The following MBOAT2 variants were observed in gnomAD, a reference collection of about 807,000 sequenced individuals.
MBOAT2 encodes the protein membrane bound glycerophospholipid O-acyltransferase 2.
In MBOAT2, 28 loss-of-function variants were observed where a neutral mutation model predicts 63.4. The ratio of observed to expected loss-of-function variants is 0.44; its 90% CI spans 0.33 to 0.61. The LOEUF (loss-of-function observed/expected upper bound fraction) is 0.61. Ranked by LOEUF, MBOAT2 falls within the 20% of genes least tolerant of loss-of-function variation. MBOAT2 has a pLI of 0.03. For missense variants in MBOAT2, 470 were observed against 605.8 expected, an observed-to-expected ratio of 0.78 and a Z score of 2.35; for synonymous variants, 211 against 215.6, an observed-to-expected ratio of 0.98 and a Z score of 0.19.
chr2:8,959,176 C>T (rs1450265015), intron 1 of MBOAT2, among the ~76,000 whole-genome samples: 3 of 152,200 alleles, frequency 2.0e-5, no homozygotes, highest in Non-Finnish European at 4.4e-5. Flanking sequence ...GCGGCCTAAA[C>T]ATCACCACTG....
intron 4 of MBOAT2, among the ~76,000 whole-genome samples, chr2:8,896,701 C>T (rs996111913): frequency 1.3e-5 from 2 of 152,304 alleles, no homozygotes; most frequent in South Asian, 2.1e-4. Context: ...TAAGGTTTGG[C>T]TGAGTGCAAA....
In MBOAT2 at chr2:9,003,630, C is replaced by T. The variant is rs1282494029; in HGVS notation, c.-16G>A. 6.0e-6 allele frequency: 7 copies of T among 1,162,824 alleles called. No homozygotes were observed. The highest frequency in any genetic ancestry group is 7.4e-6 in the Non-Finnish European group (7 of 945,470). 72.0% of individuals were successfully genotyped at this position (1,162,824 alleles called of 1,614,324 possible). A position where few individuals can be genotyped will look rare whatever the true frequency, so the allele number is the denominator to read the frequency against. ...TGGTGGCCATGGCCGGGCCTCGGCGCTCCGGCCGCCCGCGCCGCTCGCCCG... is the reference window on the plus strand; with the variant it reads ...TGGTGGCCATGGCCGGGCCTCGGCGTTCCGGCCGCCCGCGCCGCTCGCCCG... On this transcript the variant is annotated 5_prime_UTR_variant, in exon 1 of 13. Coordinates refer to ENST00000305997, the MANE Select transcript of MBOAT2 (RefSeq NM_138799.4). This position sits in a 1 kb window ranked among gnomAD's most constrained non-coding sequence, Gnocchi z 5.4.
At chr2:8,953,156 G>A (rs978800399) in intron 2 of MBOAT2, among the ~76,000 whole-genome samples, 23 of 152,302 alleles carry the variant, frequency 1.5e-4, no homozygotes, top group Admixed American at 5.9e-4. Flanking sequence ...AGGCTGGTCT[G>A]ATGGTAACAA....
chr2:8,983,777 T>C (rs997039729), intron 1 of MBOAT2, among the ~76,000 whole-genome samples: 2 of 152,114 alleles, frequency 1.3e-5, no homozygotes, highest in Non-Finnish European at 2.9e-5. Flanking sequence ...TATCCAGAAG[T>C]GATGGAGCAG....
intron 1 of MBOAT2, among the ~76,000 whole-genome samples, chr2:8,961,968 C>T (rs1669633926): frequency 6.6e-6 from 1 of 152,132 alleles, no homozygotes. Context: ...TTCCTTCCTT[C>T]CCCCTCTCCT....
intron 1 of MBOAT2, among the ~76,000 whole-genome samples, chr2:8,990,077 T>C (rs1224712488): frequency 6.6e-6 from 1 of 152,206 alleles, no homozygotes; most frequent in East Asian, 1.9e-4. Flanking sequence ...TGTTTTTTCA[T>C]TTGCTATATC....
intron 2 of MBOAT2, among the ~76,000 whole-genome samples, chr2:8,954,420 G>A (rs1017400760): frequency 6.6e-6 from 1 of 152,072 alleles, no homozygotes; most frequent in African/African-American, 2.4e-5. Context: ...CAAAGAGCAG[G>A]GCCAAACAGA....
intron 1 of MBOAT2, among the ~76,000 whole-genome samples, chr2:8,992,163 C>T (rs2103364394): frequency 6.6e-6 from 1 of 152,338 alleles, no homozygotes; most frequent in South Asian, 2.1e-4. Flanking sequence ...ACCTTTATTG[C>T]AGGTCTTTAC....
At chr2:8,961,930 T>A (rs752900678) in intron 1 of MBOAT2, among the ~76,000 whole-genome samples, 3 of 152,106 alleles carry the variant, frequency 2.0e-5, no homozygotes, top group Non-Finnish European at 4.4e-5. Context: ...CCATACTCCC[T>A]ACAGCCTGTG....
chr2:8,957,244 A>C (rs1419881265), intron 2 of MBOAT2, among the ~76,000 whole-genome samples: 2 of 152,232 alleles, frequency 1.3e-5, no homozygotes, highest in Admixed American at 1.3e-4. Context: ...AGTTTGAAAA[A>C]TATACACTAC....
At chr2:8,882,393 G>T in intron 6 of MBOAT2, 118 bp downstream of exon 6, 2 of 1,016,164 alleles carry the variant, frequency 2.0e-6, no homozygotes, top group South Asian at 1.4e-5. Flanking sequence ...AGAGAGTGAG[G>T]CTTGATTTTC....
In MBOAT2 at chr2:8,854,916, C is replaced by T. The variant is rs930285475; in HGVS notation, c.*3763G>A. The T allele has an allele frequency of 6.6e-6, 1 of 152,186 alleles. No individual in the cohort carries two copies. Among genetic ancestry groups the T allele is most frequent in the Non-Finnish European group, 1.5e-5 (1 of 68,036 alleles). 9.4% of individuals were successfully genotyped at this position (152,186 alleles called of 1,614,324 possible). The stretch of plus-strand genomic sequence containing the variant: ...ATAGTGGTAAACCCTGTCCAGTAGT[C>T]AGTAATCTGTATAAAATATTTCAGA... On this transcript the variant is annotated 3_prime_UTR_variant, in exon 13 of 13. Transcript: ENST00000305997.
At position 9,003,661 on chromosome 2, in the gene MBOAT2, G is replaced by A. The variant is rs1672881675; in HGVS notation, c.-47C>T. 29 of 1,102,466 alleles carry A rather than the reference G, an allele frequency of 2.6e-5. No homozygotes were observed. Among genetic ancestry groups the A allele is most frequent in the Non-Finnish European group, 3.2e-5 (29 of 902,060 alleles). The allele number at this position is 1,102,466 out of a possible 1,614,324, so 68.3% of individuals were successfully genotyped here. On this transcript the variant is annotated 5_prime_UTR_variant, in exon 1 of 13. Transcript: ENST00000305997. This position sits in a 1 kb window ranked among gnomAD's most constrained non-coding sequence, Gnocchi z 5.4. ...CCGCCCGCGCCGCTCGCCCGCTCGC[G>A]CTGTGCCGGGCGACGACGAGGATGG...
intron 1 of MBOAT2, among the ~76,000 whole-genome samples, chr2:8,972,846 A>G (rs1419857528): frequency 4.6e-5 from 7 of 151,952 alleles, no homozygotes; most frequent in East Asian, 1.9e-4. Flanking sequence ...TTAGAATGGC[A>G]ATCATTAAAA....
At chr2:8,878,228 C>T (rs1287803461) in intron 6 of MBOAT2, among the ~76,000 whole-genome samples, 1 of 152,072 alleles carries the variant, frequency 6.6e-6, no homozygotes, top group African/African-American at 2.4e-5. Flanking sequence ...ATACATGGTA[C>T]CTATGGGTAA....
In MBOAT2 at chr2:8,969,814, A is replaced by C. The variant is rs555409216; in HGVS notation, c.76-11172T>G. 2.2e-3 allele frequency among the ~76,000 whole-genome samples: 342 copies of C among 152,350 alleles called. 1 individual carries two copies. Among genetic ancestry groups the C allele is most frequent in the African/African-American group, 7.7e-3 (322 of 41,576 alleles). On this transcript the variant is annotated intron_variant, in intron 1 of 12. Coordinates refer to ENST00000305997, the MANE Select transcript of MBOAT2 (RefSeq NM_138799.4). ...GTAAAGGGATCAATTCAACAAGAAG[A>C]GCTAACTATCCTAAATATATATGCA...
intron 2 of MBOAT2, among the ~76,000 whole-genome samples, chr2:8,951,227 CAG>C (rs1340057168): frequency 1.4e-5 from 2 of 145,474 alleles, no homozygotes; most frequent in Non-Finnish European, 3.0e-5. Flanking sequence ...TTTTTTGAGA[CAG>C]AGTCTCACTC....
intron 1 of MBOAT2, among the ~76,000 whole-genome samples, chr2:8,972,726 C>T (rs1670535354): frequency 1.3e-5 from 2 of 152,178 alleles, no homozygotes; most frequent in African/African-American, 4.8e-5. Flanking sequence ...ACAGACACTT[C>T]TCAAAAGAAG....
chr2:8,924,958 C>G (rs1666838216), intron 3 of MBOAT2, among the ~76,000 whole-genome samples: 1 of 152,064 alleles, frequency 6.6e-6, no homozygotes, highest in Non-Finnish European at 1.5e-5. Context: ...TTCAAGCTCT[C>G]CTAGTATCTC....
Sources: gnomAD v4.1 joint callset for allele counts (sites outside exome capture counted in the v4.1 genomes callset) on GRCh38, gnomAD v4.1.1 for gene constraint, Gnocchi (gnomAD v3.1) non-coding constraint, MANE v1.5 for transcripts, NCBI Gene and HGNC (gene_info 2026-07-23, HGNC 2026-07-21) for gene names.